The following SFMBT2 variants were observed in gnomAD, a reference collection of about 807,000 sequenced individuals.
The protein encoded by SFMBT2 is Scm like with four mbt domains 2.
A neutral mutation model predicts 110.1 loss-of-function variants in SFMBT2; 38 were observed. The ratio of observed to expected loss-of-function variants is 0.35; its 90% CI spans 0.27 to 0.45. The LOEUF is 0.45. Ranked by LOEUF, SFMBT2 falls within the 20% of genes least tolerant of loss-of-function variation. SFMBT2 has a pLI of 1.00. For synonymous variants in SFMBT2, 425 were observed against 425.4 expected, an observed-to-expected ratio of 1.00 and a Z score of 0.01; for missense variants, 1,011 against 1,094.9, an observed-to-expected ratio of 0.92 and a Z score of 1.08.
At chr10:7,302,789 T>G (rs1010366205) in intron 4 of SFMBT2, among the ~76,000 whole-genome samples, 3 of 152,200 alleles carry the variant, frequency 2.0e-5, no homozygotes, top group Admixed American at 1.3e-4. Context: ...AAATACAAGC[T>G]GCATTTGGTT....
intron 15 of SFMBT2, among the ~76,000 whole-genome samples, chr10:7,189,371 G>A (rs978627651): frequency 6.6e-6 from 1 of 151,978 alleles, no homozygotes; most frequent in Admixed American, 6.6e-5. Context: ...ACAAGCATGT[G>A]TCTACCATGG....
chr10:7,289,632 T>C (rs187118228), intron 4 of SFMBT2, among the ~76,000 whole-genome samples: 64 of 152,298 alleles, frequency 4.2e-4, no homozygotes, highest in Admixed American at 4.1e-3. Context: ...CACTTTAGGT[T>C]AAAAAGTAGA....
rs1219536599 is a variant in SFMBT2, at chr10:7,171,864, G to A, written c.2415+31C>T. ...AGGTGTGCTTCTTCAGACCCAGCGG[G>A]AAGCCCTCTGTCCCCACGCCCGGGC... On this transcript the variant is annotated intron_variant, in intron 19 of 20. Transcript: ENST00000397167. This position sits in a 1 kb window ranked among gnomAD's most constrained non-coding sequence, Gnocchi z 4.9. The A allele has an allele frequency of 7.2e-7, 1 of 1,392,108 alleles. No homozygotes were observed. The highest frequency in any genetic ancestry group is 3.3e-5 in the Admixed American group (1 of 30,768). The allele number at this position is 1,392,108 out of a possible 1,614,324, so 86.2% of individuals were successfully genotyped here.
intron 7 of SFMBT2, among the ~76,000 whole-genome samples, chr10:7,254,018 A>T (rs1840909760): frequency 6.6e-6 from 1 of 152,196 alleles, no homozygotes; most frequent in South Asian, 2.1e-4. Flanking sequence ...CAAGAGCGTG[A>T]CAATATTTTC....
intron 4 of SFMBT2, among the ~76,000 whole-genome samples, chr10:7,313,936 G>T (rs1379344450): frequency 6.6e-6 from 1 of 152,192 alleles, no homozygotes; most frequent in Non-Finnish European, 1.5e-5. Context: ...CAGCTTTTCT[G>T]CAGTTATTTC....
chr10:7,388,848 A>G (rs571250827), intron 1 of SFMBT2, among the ~76,000 whole-genome samples: 5 of 152,288 alleles, frequency 3.3e-5, no homozygotes, highest in African/African-American at 1.2e-4. Context: ...TGGATGTGGC[A>G]GGGTGTTCCA....
intron 15 of SFMBT2, among the ~76,000 whole-genome samples, chr10:7,194,217 A>G (rs1398766891): frequency 6.6e-6 from 1 of 152,142 alleles, no homozygotes; most frequent in African/African-American, 2.4e-5. Context: ...AGCTTCTCCC[A>G]GGTCCCCTAC....
At chr10:7,203,971 C>T (rs1374687371) in intron 12 of SFMBT2, 2 of 200,068 alleles carry the variant, frequency 1.0e-5, no homozygotes, top group African/African-American at 2.3e-5. Flanking sequence ...CCCGCCTCGG[C>T]CTCCCAAAGT....
At chr10:7,346,482 T>C (rs1844115337) in intron 4 of SFMBT2, among the ~76,000 whole-genome samples, 1 of 152,142 alleles carries the variant, frequency 6.6e-6, no homozygotes, top group African/African-American at 2.4e-5. Context: ...CTTTAAACGT[T>C]AATGCAAGGA....
chr10:7,397,808 C>G (rs541140628), intron 1 of SFMBT2, among the ~76,000 whole-genome samples: 1 of 152,212 alleles, frequency 6.6e-6, no homozygotes, highest in Admixed American at 6.5e-5. Context: ...GAGCTTTCTT[C>G]TATTTATACT....
Position 7,161,137 on chromosome 10 carries a change from AAC to A in SFMBT2, c.*2631_*2632del, listed in dbSNP as rs1402312529. 6.6e-6 allele frequency: 1 copy of A among 152,200 alleles called. No homozygotes were observed. Among genetic ancestry groups the A allele is most frequent in the Non-Finnish European group, 1.5e-5 (1 of 68,072 alleles). 9.4% of individuals were successfully genotyped at this position (152,200 alleles called of 1,614,324 possible). ...TGGGCGCTTGGCTCCACGGGAAGCAAACACTTTCCCCTGCGACAGTGGCTGTA... is the reference window on the plus strand; with the variant it reads ...TGGGCGCTTGGCTCCACGGGAAGCAAACTTTCCCCTGCGACAGTGGCTGTA... On this transcript the variant is annotated 3_prime_UTR_variant, in exon 21 of 21. Transcript: ENST00000397167.
chr10:7,255,857 G>A (rs1840987717), intron 7 of SFMBT2, among the ~76,000 whole-genome samples: 1 of 152,152 alleles, frequency 6.6e-6, no homozygotes, highest in Non-Finnish European at 1.5e-5. Flanking sequence ...CTTTTTGAGG[G>A]CCAACAAGAT....
intron 8 of SFMBT2, among the ~76,000 whole-genome samples, chr10:7,244,554 A>G (rs530767580): frequency 9.9e-5 from 15 of 152,252 alleles, no homozygotes; most frequent in Non-Finnish European, 2.2e-4. Flanking sequence ...ACATCAATGA[A>G]GAAATAAGAA....
intron 2 of SFMBT2, among the ~76,000 whole-genome samples, chr10:7,374,719 C>A (rs1845152729): frequency 6.6e-6 from 1 of 152,158 alleles, no homozygotes; most frequent in Non-Finnish European, 1.5e-5. Context: ...AACCAAAAGT[C>A]AGACCTAGAA....
intron 1 of SFMBT2, among the ~76,000 whole-genome samples, chr10:7,398,734 T>C (rs546195640): frequency 6.6e-6 from 1 of 152,262 alleles, no homozygotes; most frequent in Non-Finnish European, 1.5e-5. Context: ...TTATAAATAT[T>C]AAAAGGAATA....
At chr10:7,347,871 C>T (rs1276751069) in intron 4 of SFMBT2, among the ~76,000 whole-genome samples, 6 of 152,146 alleles carry the variant, frequency 3.9e-5, no homozygotes, top group African/African-American at 9.7e-5. Context: ...GAAATTCACC[C>T]AAGAAGGGCA....
chr10:7,365,558 GGAA>G (rs1211083761), intron 4 of SFMBT2, among the ~76,000 whole-genome samples: 1 of 152,174 alleles, frequency 6.6e-6, no homozygotes, highest in Non-Finnish European at 1.5e-5. Context: ...CCACCCAAGT[GGAA>G]GAACAGCTGC....
chr10:7,404,987 T>A (rs1331264647), intron 1 of SFMBT2, among the ~76,000 whole-genome samples: 1 of 152,230 alleles, frequency 6.6e-6, no homozygotes, highest in Admixed American at 6.5e-5. Context: ...TACAGTCTTG[T>A]AAACATCTTA....
chr10:7,239,819 A>C lies in SFMBT2; in HGVS notation c.1120+3739T>G, dbSNP rs12248234. ...CATTACAAAACATCAGCAAGACAGA[A>C]CAGCAGTGAAGTGTGGATACGGTTG... On this transcript the variant is annotated intron_variant, in intron 9 of 20. Transcript: ENST00000397167. 7.6e-3 allele frequency among the ~76,000 whole-genome samples: 1,151 copies of C among 152,294 alleles called. 16 individuals carry two copies. The highest frequency in any genetic ancestry group is 0.026 in the African/African-American group (1,093 of 41,546).
Sources: gnomAD v4.1 joint callset for allele counts (sites outside exome capture counted in the v4.1 genomes callset) on GRCh38, gnomAD v4.1.1 for gene constraint, Gnocchi (gnomAD v3.1) non-coding constraint, MANE v1.5 for transcripts, NCBI Gene and HGNC (gene_info 2026-07-23, HGNC 2026-07-21) for gene names.